The following CSMD1 variants were observed in gnomAD, a reference collection of about 807,000 sequenced individuals.
CSMD1 encodes CUB and sushi domain-containing protein 1.
CSMD1 carries 213 observed loss-of-function variants against 417.5 expected under a neutral mutation model. The ratio of observed to expected loss-of-function variants is 0.51; its 90% CI spans 0.46 to 0.57. CSMD1 has a LOEUF of 0.57. Ranked by LOEUF, CSMD1 falls within the 20% of genes least tolerant of loss-of-function variation. The pLI, the probability that CSMD1 is intolerant of heterozygous loss-of-function variation, is 0.00. For missense variants in CSMD1, 6,923 were observed against 4,529.7 expected (o/e 1.53, Z -15.17); for synonymous variants, 2,862 against 1,736.8 (o/e 1.65, Z -16.11).
Position 4,146,553 on chromosome 8 carries a change from G to T in CSMD1, c.416-114454C>A, listed in dbSNP as rs903929711. Among the ~76,000 whole-genome samples the T allele has an allele frequency of 2.8e-5, 4 of 141,374 alleles. No homozygotes were observed. In the South Asian group the frequency reaches 9.2e-4, roughly 32 times the overall value. The allele number at this position is 141,374 out of a possible 152,430, so 92.7% of individuals were successfully genotyped here. On this transcript the variant is annotated intron_variant, in intron 3 of 69. Transcript: ENST00000635120. The stretch of plus-strand genomic sequence containing the variant: ...GTTAAAACACCACAACTCCAGGGAA[G>T]GAAGCTCCATTATTATCTGTCTAAA...
chr8:3,576,468 C>T lies in CSMD1; in HGVS notation c.1223-1402G>A, dbSNP rs576202501. Among the ~76,000 whole-genome samples, 38 of 152,238 alleles carry T rather than the reference C, an allele frequency of 2.5e-4. No homozygotes were observed. In the South Asian group the frequency reaches 6.2e-3, roughly 25 times the overall value. ...CTGTGTACCACGCTGCAGTCCTAGA[C>T]ATGTGAAAATGGGACAACATAATTT... On this transcript the variant is annotated intron_variant, in intron 9 of 69. Coordinates refer to ENST00000635120, the MANE Select transcript of CSMD1 (RefSeq NM_033225.6).
intron 3 of CSMD1, among the ~76,000 whole-genome samples, chr8:4,188,280 T>G (rs1259266325): frequency 6.6e-6 from 1 of 152,146 alleles, no homozygotes; most frequent in Non-Finnish European, 1.5e-5. Flanking sequence ...GCCCTAGACG[T>G]CGGTCAATGT....
chr8:4,884,655 G>C (rs892079482), intron 1 of CSMD1, among the ~76,000 whole-genome samples: 3 of 151,998 alleles, frequency 2.0e-5, no homozygotes, highest in Non-Finnish European at 2.9e-5. Flanking sequence ...TGTCTTGGCA[G>C]TCATATCAAA....
chr8:3,386,894 A>C (rs375213468), intron 18 of CSMD1, among the ~76,000 whole-genome samples: 1 of 152,190 alleles, frequency 6.6e-6, no homozygotes, highest in South Asian at 2.1e-4. Context: ...ATAACTACAC[A>C]CAGCATAGTA....
chr8:3,007,535 T>C lies in CSMD1; in HGVS notation c.8030-7404A>G, dbSNP rs1420702064. On this transcript the variant is annotated intron_variant, in intron 52 of 69. Transcript: ENST00000635120. ...TGGAAGCAACCCAAATGTCCAACGATGATAGACTGGATTAAGAAAATGTGG... is the reference window on the plus strand; with the variant it reads ...TGGAAGCAACCCAAATGTCCAACGACGATAGACTGGATTAAGAAAATGTGG... Among the ~76,000 whole-genome samples, 8 of 151,570 alleles carry C rather than the reference T, an allele frequency of 5.3e-5. No homozygotes were observed. In the East Asian group the frequency reaches 7.7e-4, roughly 15 times the overall value.
chr8:2,985,144 A>G (rs1165575160), intron 54 of CSMD1, among the ~76,000 whole-genome samples: 1 of 152,214 alleles, frequency 6.6e-6, no homozygotes, highest in East Asian at 1.9e-4. Flanking sequence ...TTTATGTCAC[A>G]AAAATTGTGT....
intron 42 of CSMD1, among the ~76,000 whole-genome samples, chr8:3,116,940 T>G (rs974889627): frequency 6.6e-6 from 1 of 152,162 alleles, no homozygotes; most frequent in Admixed American, 6.5e-5. Flanking sequence ...ACAGCCCAGA[T>G]AGGTTACTGC....
chr8:4,510,905 C>G (rs970458307), intron 2 of CSMD1, among the ~76,000 whole-genome samples: 4 of 146,346 alleles, frequency 2.7e-5, no homozygotes, highest in African/African-American at 5.0e-5. Context: ...CTCTCTTCCT[C>G]CCTCTCCCTG....
intron 2 of CSMD1, among the ~76,000 whole-genome samples, chr8:4,423,446 C>G (rs903856507): frequency 6.6e-6 from 1 of 151,974 alleles, no homozygotes; most frequent in South Asian, 2.1e-4. Context: ...ATCTGAAATA[C>G]ATCAATCACA....
chr8:3,895,262 T>G (rs943888804), intron 5 of CSMD1, among the ~76,000 whole-genome samples: 6 of 152,220 alleles, frequency 3.9e-5, no homozygotes, highest in African/African-American at 1.4e-4. Flanking sequence ...AACAAAGAGA[T>G]GGTCTACTGC....
chr8:4,168,849 A>G (rs1199098776), intron 3 of CSMD1, among the ~76,000 whole-genome samples: 2 of 151,950 alleles, frequency 1.3e-5, no homozygotes, highest in Admixed American at 1.3e-4. Flanking sequence ...TTCAGCCTCC[A>G]CCACAGTTGC....
intron 26 of CSMD1, among the ~76,000 whole-genome samples, chr8:3,239,581 A>C (rs997208179): frequency 6.6e-6 from 1 of 152,002 alleles, no homozygotes; most frequent in African/African-American, 2.4e-5. Flanking sequence ...GGGGGCCTGA[A>C]TAATCTCTGA....
At chr8:3,979,288 T>C (rs567415442) in intron 5 of CSMD1, among the ~76,000 whole-genome samples, 1 of 152,194 alleles carries the variant, frequency 6.6e-6, no homozygotes, top group Non-Finnish European at 1.5e-5. Flanking sequence ...TGCTCTAATT[T>C]GTTCTGGATG....
At chr8:3,553,304 C>T (rs1798998808) in intron 10 of CSMD1, among the ~76,000 whole-genome samples, 1 of 152,144 alleles carries the variant, frequency 6.6e-6, no homozygotes, top group African/African-American at 2.4e-5. Flanking sequence ...GAAATGGAGA[C>T]ATGAGAGCCA....
chr8:3,795,711 A>T (rs193266802), intron 5 of CSMD1, among the ~76,000 whole-genome samples: 27,795 of 32,304 alleles, frequency 0.86, 13,491 homozygotes, highest in Middle Eastern at 1. Context: ...ATATCTATCA[A>T]GTACAGCTAT....
intron 50 of CSMD1, among the ~76,000 whole-genome samples, chr8:3,037,736 T>C (rs991311336): frequency 1.3e-5 from 2 of 152,194 alleles, no homozygotes; most frequent in African/African-American, 4.8e-5. Context: ...TTATCTAGAA[T>C]AAGAGTAGAT....
chr8:3,623,469 G>A (rs1022829540), intron 7 of CSMD1, among the ~76,000 whole-genome samples: 2 of 152,106 alleles, frequency 1.3e-5, no homozygotes, highest in South Asian at 2.1e-4. Flanking sequence ...ATCAATTAGT[G>A]GAGATAAGAT....
chr8:4,375,839 C>T (rs1426965267), intron 3 of CSMD1, among the ~76,000 whole-genome samples: 1 of 152,090 alleles, frequency 6.6e-6, no homozygotes. Flanking sequence ...CCAAAACAGA[C>T]TTCACAGTCA....
chr8:4,631,260 G>A (rs930821304), intron 2 of CSMD1, among the ~76,000 whole-genome samples: 2 of 152,132 alleles, frequency 1.3e-5, no homozygotes, highest in Non-Finnish European at 2.9e-5. Flanking sequence ...TACTTGGGAG[G>A]CTGAGGCAGG....
Sources: allele counts gnomAD v4.1 joint callset (sites outside exome capture counted in the v4.1 genomes callset), GRCh38; gene constraint gnomAD v4.1.1; transcripts MANE v1.5; gene names NCBI Gene and HGNC (gene_info 2026-07-23, HGNC 2026-07-21).